RABEP1: variants seen among roughly 807,000 people sequenced by gnomAD.
RABEP1 encodes rab GTPase-binding effector protein 1.
RABEP1 carries 51 observed loss-of-function variants against 123.4 expected under a neutral mutation model. The ratio of observed to expected loss-of-function variants is 0.41; its 90% CI spans 0.33 to 0.52. RABEP1 has a LOEUF of 0.52. Among genes scored for constraint, RABEP1 ranks in the 20% least tolerant of loss-of-function variants. The pLI is 0.16. For synonymous variants in RABEP1, 347 were observed against 355.2 expected, an observed-to-expected ratio of 0.98 and a Z score of 0.26; for missense variants, 888 against 996.3, an observed-to-expected ratio of 0.89 and a Z score of 1.46.
At chr17:5,320,421 C>CAAAAAAAAAAAAAAAA (rs60202531) in intron 2 of RABEP1, among the ~76,000 whole-genome samples, 14 of 84,634 alleles carry the variant, frequency 1.7e-4, no homozygotes, top group Non-Finnish European at 2.3e-4. Context: ...GCTAACACAC[C>CAAAAAAAAAAAAAAAA]AAAAAAAAAA....
At chr17:5,375,867 T>C (rs1228957769) in intron 13 of RABEP1, among the ~76,000 whole-genome samples, 1 of 148,346 alleles carries the variant, frequency 6.7e-6, no homozygotes, top group Admixed American at 6.8e-5. Flanking sequence ...TTTCATTTTA[T>C]TTATTTATTT....
At chr17:5,373,206 C>A in intron 12 of RABEP1, 108 bp from the exon 13 acceptor site, 1 of 999,314 alleles carries the variant, frequency 1.0e-6, no homozygotes, top group Non-Finnish European at 1.4e-6. Flanking sequence ...TCACCATACC[C>A]CGTCCATCCT....
intron 1 of RABEP1, among the ~76,000 whole-genome samples, chr17:5,290,440 C>T (rs1410240529): frequency 2.6e-5 from 4 of 152,170 alleles, no homozygotes; most frequent in East Asian, 1.9e-4. Context: ...GGAATGAGTA[C>T]GTTAAGTGCA....
At chr17:5,375,950 GC>G (rs1910958331) in intron 13 of RABEP1, among the ~76,000 whole-genome samples, 1 of 151,874 alleles carries the variant, frequency 6.6e-6, no homozygotes, top group South Asian at 2.1e-4. Flanking sequence ...TCAGCTTATT[GC>G]AACCTCCGCC....
intron 10 of RABEP1, 58 bp downstream of exon 10, chr17:5,363,074 A>G (rs898117242): frequency 7.7e-7 from 1 of 1,296,296 alleles, no homozygotes; most frequent in Middle Eastern, 1.8e-4. Context: ...GAGGTGCAGA[A>G]TTAATTGCCC....
At chr17:5,348,245 C>T (rs1415560002) in intron 6 of RABEP1, among the ~76,000 whole-genome samples, 1 of 152,224 alleles carries the variant, frequency 6.6e-6, no homozygotes, top group African/African-American at 2.4e-5. Context: ...TCCCAAAGTG[C>T]TGGGATTACA....
chr17:5,308,326 A>G (rs1474081323), intron 1 of RABEP1, among the ~76,000 whole-genome samples: 1 of 151,838 alleles, frequency 6.6e-6, no homozygotes, highest in African/African-American at 2.4e-5. Context: ...CCCGGGTTCA[A>G]GCGATTCTCC....
At chr17:5,356,742 C>G (rs765018511) in intron 8 of RABEP1, among the ~76,000 whole-genome samples, 60 of 151,410 alleles carry the variant, frequency 4.0e-4, no homozygotes, top group Non-Finnish European at 8.8e-5. Flanking sequence ...CCTTGACCTC[C>G]CGGGCTCAAG....
intron 2 of RABEP1, among the ~76,000 whole-genome samples, chr17:5,319,327 C>CAA (rs200353804): frequency 1.3e-3 from 144 of 114,534 alleles, no homozygotes; most frequent in Middle Eastern, 4.4e-3. Context: ...GACTCTGTCT[C>CAA]AAAAAAAAAA....
intron 1 of RABEP1, among the ~76,000 whole-genome samples, chr17:5,295,299 C>G (rs138246543): frequency 3.0e-3 from 448 of 151,010 alleles, no homozygotes; most frequent in Middle Eastern, 0.01. Flanking sequence ...TTAGGCAGGA[C>G]AATCCCTTGA....
intron 5 of RABEP1, among the ~76,000 whole-genome samples, chr17:5,344,927 C>T (rs1275553645): frequency 1.3e-5 from 2 of 151,902 alleles, no homozygotes; most frequent in African/African-American, 4.8e-5. Flanking sequence ...CGCGGCACCA[C>T]CCTCCAGCCT....
chr17:5,343,670 C>CTTTTTTTTTTTTTTTTTTTTTTT (rs753410845), intron 5 of RABEP1, among the ~76,000 whole-genome samples: 1 of 99,952 alleles, frequency 1.0e-5, no homozygotes, highest in Non-Finnish European at 1.9e-5. Flanking sequence ...TTTCTTTTCT[C>CTTTTTTTTTTTTTTTTTTTTTTT]TTTTTTTTTT....
intron 1 of RABEP1, among the ~76,000 whole-genome samples, chr17:5,290,814 C>G (rs1170670267): frequency 6.6e-6 from 1 of 152,060 alleles, no homozygotes; most frequent in Admixed American, 6.6e-5. Context: ...CAGGCTGGTG[C>G]TGAACTCCTG....
intron 2 of RABEP1, among the ~76,000 whole-genome samples, chr17:5,326,413 C>T (rs953280910): frequency 6.6e-6 from 1 of 152,090 alleles, no homozygotes; most frequent in East Asian, 1.9e-4. Context: ...TGTATGATTC[C>T]AAGCATATGA....
At chr17:5,325,732 C>G (rs543467298) in intron 2 of RABEP1, among the ~76,000 whole-genome samples, 2 of 148,650 alleles carry the variant, frequency 1.3e-5, no homozygotes, top group African/African-American at 5.0e-5. Flanking sequence ...AAAAAAAAAC[C>G]GACAAATATT....
At chr17:5,298,382 T>C (rs541348837) in intron 1 of RABEP1, among the ~76,000 whole-genome samples, 146 of 152,290 alleles carry the variant, frequency 9.6e-4, no homozygotes, top group African/African-American at 3.3e-3. Flanking sequence ...TTTTGTTGCA[T>C]TAGGCTTTTT....
At position 5,383,300 on chromosome 17, in the gene RABEP1, T is replaced by G. The variant is rs1012266858; in HGVS notation, c.*77T>G. ...AGAGCAACAGTAATTATTATTTAAC[T>G]CTTAACTGAAGAAAGAGAAGTCACA... On this transcript the variant is annotated 3_prime_UTR_variant, in exon 18 of 18. Transcript: ENST00000537505. 8.8e-7 allele frequency: 1 copy of G among 1,141,094 alleles called. No individual in the cohort carries two copies. The highest frequency in any genetic ancestry group is 1.3e-6 in the Non-Finnish European group (1 of 765,014). 70.7% of individuals were successfully genotyped at this position (1,141,094 alleles called of 1,614,324 possible).
chr17:5,376,735 G>A (rs1356850112), intron 13 of RABEP1, among the ~76,000 whole-genome samples: 5 of 152,146 alleles, frequency 3.3e-5, no homozygotes, highest in Non-Finnish European at 7.4e-5. Flanking sequence ...TACTGAGTGT[G>A]AACTTGCTAC....
At chr17:5,330,030 G>A (rs748907144) in intron 2 of RABEP1, among the ~76,000 whole-genome samples, 5 of 152,086 alleles carry the variant, frequency 3.3e-5, no homozygotes, top group Non-Finnish European at 5.9e-5. Flanking sequence ...ATGAGGACCT[G>A]TTAAGTGTAT....
Sources: allele counts gnomAD v4.1 joint callset (sites outside exome capture counted in the v4.1 genomes callset), GRCh38; gene constraint gnomAD v4.1.1; transcripts MANE v1.5; gene names NCBI Gene and HGNC (gene_info 2026-07-23, HGNC 2026-07-21).